The following ATAD2B variants were observed in gnomAD, a reference collection of about 807,000 sequenced individuals.
ATAD2B encodes the protein ATPase family AAA domain-containing protein 2B.
A neutral mutation model predicts 167.6 loss-of-function variants in ATAD2B; 40 were observed. The ratio of observed to expected loss-of-function variants is 0.24; its 90% confidence interval spans 0.19 to 0.31. The LOEUF (loss-of-function observed/expected upper bound fraction) is 0.31. ATAD2B is among the 10% of genes least tolerant of loss of function. The pLI, the probability that ATAD2B is intolerant of heterozygous loss-of-function variation, is 1.00. For synonymous variants in ATAD2B, 579 were observed against 596.5 expected (o/e 0.97, Z 0.43); for missense variants, 1,242 against 1,757.2 (o/e 0.71, Z 5.24).
intron 1 of ATAD2B, among the ~76,000 whole-genome samples, chr2:23,909,564 A>C (rs1005144757): frequency 6.6e-6 from 1 of 152,100 alleles, no homozygotes; most frequent in Non-Finnish European, 1.5e-5. Flanking sequence ...TTATATGTGC[A>C]TATGTGTGTG....
Position 23,926,637 on chromosome 2 carries a change from G to A in ATAD2B, c.134C>T (p.Ser45Phe), listed in dbSNP as rs777097386. The change falls in exon 1 of 28, where the codon TCC (serine) becomes TTC (phenylalanine). Residue 45 changes from serine (S) to phenylalanine (F), a missense_variant. Ser to Phe is a radical substitution (Grantham distance 155). Around this residue, in one of 9 missense-constraint regions of ATAD2B, gnomAD observed 199 missense variants for 194.9 expected, o/e 1.02. Transcript: ENST00000238789. ...GCAGCTGGCGGCGCGGGTCTTGGAGGAGCGGGTCCGAGAGGAGATGAAATG... is the reference window on the plus strand; with the variant it reads ...GCAGCTGGCGGCGCGGGTCTTGGAGAAGCGGGTCCGAGAGGAGATGAAATG... ...SSHFISSRTR[S>F]SKTRAASCPA... The A allele has an allele frequency of 1.9e-6, 3 of 1,563,484 alleles. No individual in the cohort carries two copies. Among genetic ancestry groups the A allele is most frequent in the Non-Finnish European group, 2.6e-6 (3 of 1,155,074 alleles).
chr2:23,832,310 TC>T, intron 14 of ATAD2B: 1 of 446,110 alleles, frequency 2.2e-6, no homozygotes, highest in East Asian at 7.2e-5. Flanking sequence ...CATAGGCCTT[TC>T]CACAGACCCA....
At chr2:23,906,469 G>A (rs1286687689) in intron 1 of ATAD2B, among the ~76,000 whole-genome samples, 1 of 152,098 alleles carries the variant, frequency 6.6e-6, no homozygotes, top group Non-Finnish European at 1.5e-5. Context: ...CTATTAGAAA[G>A]GCTCCTGGTC....
chr2:23,776,041 G>A (rs186375067), intron 22 of ATAD2B, among the ~76,000 whole-genome samples: 5 of 152,236 alleles, frequency 3.3e-5, no homozygotes, highest in South Asian at 2.1e-4. Context: ...GCATGAACCC[G>A]AGAGACGGAG....
intron 18 of ATAD2B, among the ~76,000 whole-genome samples, chr2:23,804,067 G>C (rs1448869584): frequency 6.6e-6 from 1 of 152,098 alleles, no homozygotes; most frequent in Non-Finnish European, 1.5e-5. Flanking sequence ...TAGAACAGAA[G>C]AAAAGAGAAT....
At chr2:23,824,004 C>T (rs1274860817) in intron 15 of ATAD2B, among the ~76,000 whole-genome samples, 1 of 151,924 alleles carries the variant, frequency 6.6e-6, no homozygotes, top group Non-Finnish European at 1.5e-5. Context: ...GGCTGGAGTG[C>T]AGTGGCACAA....
At chr2:23,879,309 GA>G (rs57720701) in intron 7 of ATAD2B, among the ~76,000 whole-genome samples, 27 of 142,100 alleles carry the variant, frequency 1.9e-4, no homozygotes, top group Admixed American at 2.1e-4. Flanking sequence ...TTCAGCAAAA[GA>G]AAAAAAAAAA....
Position 23,834,832 on chromosome 2 carries a change from T to G in ATAD2B, c.1569-754A>C, listed in dbSNP as rs945619546. Among the ~76,000 whole-genome samples the G allele has an allele frequency of 3.9e-5, 6 of 152,020 alleles. No homozygotes were observed. In the East Asian group the frequency reaches 1.2e-3, roughly 29 times the overall value. On this transcript the variant is annotated intron_variant, in intron 13 of 27. Transcript: ENST00000238789. ...CTTTGGGAGGCTGAGGTGGGCAGATTGCTTGAACCCAGGAGTTTGAGATTA... is the reference window on the plus strand; with the variant it reads ...CTTTGGGAGGCTGAGGTGGGCAGATGGCTTGAACCCAGGAGTTTGAGATTA...
At chr2:23,842,732 T>C (rs567047153) in intron 13 of ATAD2B, among the ~76,000 whole-genome samples, 4 of 152,280 alleles carry the variant, frequency 2.6e-5, no homozygotes, top group Non-Finnish European at 5.9e-5. Flanking sequence ...AAACTCAGTC[T>C]ACCCAGATCT....
At chr2:23,878,025 A>AAAAAAAAAAAAAACAAAAAG (rs1697244692) in intron 7 of ATAD2B, among the ~76,000 whole-genome samples, 1 of 106,876 alleles carries the variant, frequency 9.4e-6, no homozygotes, top group Non-Finnish European at 2.1e-5. Context: ...AAAAAAAAAA[A>AAAAAAAAAAAAAACAAAAAG]AAAAAAAAAA....
intron 1 of ATAD2B, among the ~76,000 whole-genome samples, chr2:23,898,757 C>T (rs2150385351): frequency 6.6e-6 from 1 of 152,322 alleles, no homozygotes; most frequent in South Asian, 2.1e-4. Flanking sequence ...AATCCCAAAA[C>T]TTTGAGAGGT....
the ATAD2B span, among the ~76,000 whole-genome samples, chr2:23,736,922 T>C: frequency 6.6e-6 from 1 of 152,200 alleles, no homozygotes; most frequent in Non-Finnish European, 1.5e-5. Flanking sequence ...GAGGGTCCTA[T>C]GCCCAAGGAG....
At chr2:23,859,836 G>C (rs983843443) in intron 12 of ATAD2B, among the ~76,000 whole-genome samples, 1 of 151,854 alleles carries the variant, frequency 6.6e-6, no homozygotes, top group South Asian at 2.1e-4. Context: ...TGTAATCCCA[G>C]CTACTCGGGA....
At chr2:23,762,738 T>C (rs1377149321) in intron 23 of ATAD2B, among the ~76,000 whole-genome samples, 1 of 152,192 alleles carries the variant, frequency 6.6e-6, no homozygotes, top group Non-Finnish European at 1.5e-5. Context: ...CCGTGAACTG[T>C]TTCAAAATGC....
the ATAD2B span, among the ~76,000 whole-genome samples, chr2:23,681,964 G>T: frequency 6.6e-6 from 1 of 152,050 alleles, no homozygotes; most frequent in African/African-American, 2.4e-5. This position sits in a 1 kb window ranked among gnomAD's most constrained non-coding sequence, Gnocchi z 4.2. Context: ...TCTCTACCTT[G>T]TCTCTAGCCC....
chr2:23,800,904 C>T (rs557075146), intron 18 of ATAD2B, among the ~76,000 whole-genome samples: 157 of 152,172 alleles, frequency 1.0e-3, no homozygotes, highest in East Asian at 1.9e-3. Flanking sequence ...AAAGGCTTCG[C>T]CTTTCTGATC....
chr2:23,782,042 C>T (rs1680153007), intron 22 of ATAD2B, among the ~76,000 whole-genome samples: 1 of 152,158 alleles, frequency 6.6e-6, no homozygotes, highest in Non-Finnish European at 1.5e-5. Context: ...CCTGCTAACT[C>T]CTGAGGTCAA....
chr2:23,763,791 CA>C (rs1284466652), intron 23 of ATAD2B, among the ~76,000 whole-genome samples: 1 of 152,056 alleles, frequency 6.6e-6, no homozygotes, highest in Non-Finnish European at 1.5e-5. Context: ...GGTATCTTGC[CA>C]TGTTGCCCAG....
chr2:23,852,394 A>C (rs1317206812), intron 13 of ATAD2B, among the ~76,000 whole-genome samples: 1 of 152,088 alleles, frequency 6.6e-6, no homozygotes, highest in East Asian at 1.9e-4. Context: ...CAAAGTGTTG[A>C]GATTACAGGC....
Sources: allele counts gnomAD v4.1 joint callset (sites outside exome capture counted in the v4.1 genomes callset), GRCh38; gene constraint gnomAD v4.1.1; regional missense constraint gnomAD v4.1.1; non-coding constraint Gnocchi (gnomAD v3.1); transcripts MANE v1.5; gene names NCBI Gene and HGNC (gene_info 2026-07-23, HGNC 2026-07-21).